The following TNR variants were observed in gnomAD, a reference collection of about 807,000 sequenced individuals.
The protein encoded by TNR is tenascin-R.
Under a neutral mutation model 150.4 loss-of-function variants are expected in TNR, and 45 were observed. That is an observed-to-expected ratio of 0.30 (90% confidence interval 0.24 to 0.38). The LOEUF is 0.38. Ranked by LOEUF, TNR falls within the 10% of genes least tolerant of loss-of-function variation. TNR has a pLI of 1.00. For missense variants in TNR, 1,544 were observed against 1,759.1 expected (o/e 0.88, Z 2.19); for synonymous variants, 687 against 678.4 (o/e 1.01, Z -0.20).
intron 1 of TNR, among the ~76,000 whole-genome samples, chr1:175,614,600 T>C (rs183644995): frequency 6.6e-6 from 1 of 152,326 alleles, no homozygotes; most frequent in East Asian, 1.9e-4. Context: ...TCTCAAATTG[T>C]TAAAAGGAAG....
At chr1:175,439,146 A>G (rs1480579514) in intron 2 of TNR, among the ~76,000 whole-genome samples, 1 of 152,230 alleles carries the variant, frequency 6.6e-6, no homozygotes, top group Non-Finnish European at 1.5e-5. Context: ...TACAGTAACC[A>G]AAACAGCATG....
chr1:175,737,901 T>C (rs1171438433), intron 1 of TNR, among the ~76,000 whole-genome samples: 1 of 152,198 alleles, frequency 6.6e-6, no homozygotes, highest in Non-Finnish European at 1.5e-5. Context: ...AGTTTCACCT[T>C]GTAATACATA....
chr1:175,529,775 C>T (rs1255366384), intron 1 of TNR, among the ~76,000 whole-genome samples: 1 of 152,148 alleles, frequency 6.6e-6, no homozygotes, highest in Non-Finnish European at 1.5e-5. Context: ...ACCCACTGAC[C>T]TTTCTTTTCC....
At position 175,682,900 on chromosome 1, in the gene TNR, C is replaced by T. The variant is rs191679153; in HGVS notation, c.-165+60326G>A. Among the ~76,000 whole-genome samples the T allele has an allele frequency of 2.2e-3, 328 of 152,310 alleles. 4 individuals carry two copies. The highest frequency in any genetic ancestry group is 7.3e-3 in the African/African-American group (303 of 41,568). Reference sequence around the variant, plus strand: ...ACATCCAAAGCCTAAGATCTTACTCCTGCAGAAAGGAAGTATTCTATGTGT... The same window carrying T: ...ACATCCAAAGCCTAAGATCTTACTCTTGCAGAAAGGAAGTATTCTATGTGT... On this transcript the variant is annotated intron_variant, in intron 1 of 22. Coordinates refer to ENST00000367674, the MANE Select transcript of TNR (RefSeq NM_003285.3).
Position 175,601,210 on chromosome 1 carries a change from A to G in TNR, c.-164-72841T>C, listed in dbSNP as rs373340829. Among the ~76,000 whole-genome samples the G allele has an allele frequency of 1.8e-4, 28 of 152,306 alleles. 1 individual carries two copies. The highest frequency in any genetic ancestry group is 6.0e-4 in the African/African-American group (25 of 41,560). On this transcript the variant is annotated intron_variant, in intron 1 of 22. Transcript: ENST00000367674. ...AGAGGAGTCTGGTAAAAACCGCCAC[A>G]TCCTGCACTTGCTCTGCAGCGGGTA...
At chr1:175,698,108 G>A (rs772252898) in intron 1 of TNR, among the ~76,000 whole-genome samples, 1 of 152,080 alleles carries the variant, frequency 6.6e-6, no homozygotes, top group African/African-American at 2.4e-5. Flanking sequence ...CATTCATTCC[G>A]TAATCCAATT....
At chr1:175,725,854 A>T (rs1322512563) in intron 1 of TNR, among the ~76,000 whole-genome samples, 1 of 152,184 alleles carries the variant, frequency 6.6e-6, no homozygotes, top group East Asian at 1.9e-4. Context: ...GATATTCAGC[A>T]CCTAGGACAG....
At chr1:175,583,942 C>A (rs1301594869) in intron 1 of TNR, among the ~76,000 whole-genome samples, 2 of 152,198 alleles carry the variant, frequency 1.3e-5, no homozygotes, top group African/African-American at 2.4e-5. Context: ...GAAGAGCCAG[C>A]ACAGGGAAGC....
chr1:175,707,207 C>A (rs1157191409), intron 1 of TNR, among the ~76,000 whole-genome samples: 2 of 152,132 alleles, frequency 1.3e-5, no homozygotes, highest in Non-Finnish European at 2.9e-5. Flanking sequence ...GTCTCAATTC[C>A]AAACAAGCAG....
chr1:175,376,374 G>A (rs1456045819), intron 9 of TNR, among the ~76,000 whole-genome samples: 1 of 152,094 alleles, frequency 6.6e-6, no homozygotes, highest in Admixed American at 6.6e-5. Context: ...GGCACTGTGG[G>A]GTCAGTGGTA....
chr1:175,702,953 G>A (rs1451152760), intron 1 of TNR, among the ~76,000 whole-genome samples: 2 of 151,872 alleles, frequency 1.3e-5, no homozygotes, highest in African/African-American at 4.8e-5. Flanking sequence ...CTCAAATATA[G>A]TAATCCAAAA....
intron 1 of TNR, among the ~76,000 whole-genome samples, chr1:175,616,857 C>T (rs1391212188): frequency 2.6e-5 from 4 of 152,314 alleles, no homozygotes; most frequent in South Asian, 2.1e-4. Context: ...CCCTGTGTGG[C>T]TGTAGGACAG....
At position 175,389,903 on chromosome 1, in the gene TNR, T is replaced by C. The variant is rs1016525522; in HGVS notation, c.1507+1385A>G. Among the ~76,000 whole-genome samples the C allele has an allele frequency of 2.0e-5, 3 of 152,186 alleles. No individual in the cohort carries two copies. The South Asian group carries it at 6.2e-4, about 32-fold the overall frequency. On this transcript the variant is annotated intron_variant, in intron 7 of 22. Coordinates refer to ENST00000367674, the MANE Select transcript of TNR (RefSeq NM_003285.3). ...ATGGGGTTTCTTCTAAAACATACTA[T>C]TTAGAGCAGAACCATGGTTTGAAAG...
At position 175,623,674 on chromosome 1, in the gene TNR, G is replaced by A. The variant is rs1359720440; in HGVS notation, c.-164-95305C>T. ...GATATCCACGTGCCACTCACACCCTGTCCTTTGCCAACTCCTCTTTGCAGA... is the reference window on the plus strand; with the variant it reads ...GATATCCACGTGCCACTCACACCCTATCCTTTGCCAACTCCTCTTTGCAGA... On this transcript the variant is annotated intron_variant, in intron 1 of 22. Coordinates refer to ENST00000367674, the MANE Select transcript of TNR (RefSeq NM_003285.3). 2.6e-5 allele frequency among the ~76,000 whole-genome samples: 4 copies of A among 152,348 alleles called. No homozygotes were observed. The South Asian group carries it at 6.2e-4, about 24-fold the overall frequency.
In TNR at chr1:175,331,095, TTCTTTC is replaced by T. The variant is rs1230036695; in HGVS notation, c.3632-866_3632-861del. 5.3e-5 allele frequency among the ~76,000 whole-genome samples: 7 copies of T among 132,134 alleles called. 1 individual carries two copies. In the South Asian group the frequency reaches 1.6e-3, roughly 31 times the overall value. The allele number at this position is 132,134 out of a possible 152,430, so 86.7% of individuals were successfully genotyped here. On this transcript the variant is annotated intron_variant, in intron 20 of 22. Transcript: ENST00000367674. ...TTTCTTTCCTTCTTTCTTTCTTTCT[TTCTTTC>T]TCTCTCTCTTTCTTTTCTTTCTTTC...
chr1:175,469,172 C>G (rs1373138447), intron 2 of TNR, among the ~76,000 whole-genome samples: 1 of 152,014 alleles, frequency 6.6e-6, no homozygotes, highest in African/African-American at 2.4e-5. Context: ...TGGAGATGAT[C>G]AGAGAGTGTG....
intron 2 of TNR, among the ~76,000 whole-genome samples, chr1:175,419,017 T>A (rs527832050): frequency 1.3e-5 from 2 of 152,196 alleles, no homozygotes; most frequent in Non-Finnish European, 2.9e-5. Context: ...TAAAAGATTT[T>A]TTTCTTATCG....
At chr1:175,547,463 G>A (rs996914112) in intron 1 of TNR, among the ~76,000 whole-genome samples, 1 of 152,144 alleles carries the variant, frequency 6.6e-6, no homozygotes, top group Non-Finnish European at 1.5e-5. Flanking sequence ...GTAGGAATCA[G>A]TGGTAAGGAA....
chr1:175,719,706 G>T (rs894904088), intron 1 of TNR, among the ~76,000 whole-genome samples: 5 of 152,304 alleles, frequency 3.3e-5, no homozygotes, highest in African/African-American at 1.2e-4. Context: ...GATTAGAGAG[G>T]CTGTGACTAG....
Sources: allele counts gnomAD v4.1 joint callset (sites outside exome capture counted in the v4.1 genomes callset), GRCh38; gene constraint gnomAD v4.1.1; transcripts MANE v1.5; gene names NCBI Gene and HGNC (gene_info 2026-07-23, HGNC 2026-07-21).